OLA1: variants seen among roughly 807,000 people sequenced by gnomAD.
The protein encoded by OLA1 is obg-like ATPase 1.
A neutral mutation model predicts 48.4 loss-of-function variants in OLA1; 14 were observed. That is an observed-to-expected ratio of 0.29 (90% CI 0.19 to 0.45). OLA1 has a LOEUF of 0.45. Among genes scored for constraint, OLA1 ranks in the 20% least tolerant of loss-of-function variants. The pLI is 1.00. For synonymous variants in OLA1, 127 were observed against 150.4 expected (o/e 0.84, Z 1.14); for missense variants, 325 against 467.1 (o/e 0.70, Z 2.80).
At chr2:174,134,594 G>C (rs1686257894) in intron 5 of OLA1, among the ~76,000 whole-genome samples, 1 of 151,772 alleles carries the variant, frequency 6.6e-6, no homozygotes, top group Non-Finnish European at 1.5e-5. Flanking sequence ...TTATTGTTTT[G>C]TTTTTACTTT....
chr2:174,082,434 A>G (rs1684877067), intron 7 of OLA1, among the ~76,000 whole-genome samples: 1 of 152,188 alleles, frequency 6.6e-6, no homozygotes. Context: ...AAGAAGACAT[A>G]AAGTTCTGTT....
intron 7 of OLA1, among the ~76,000 whole-genome samples, chr2:174,083,017 G>A (rs1042615541): frequency 2.0e-5 from 3 of 151,982 alleles, no homozygotes; most frequent in Admixed American, 6.6e-5. Context: ...AGAAAAGCCT[G>A]CAAATAGTAA....
chr2:174,121,904 T>A (rs1685923753), intron 7 of OLA1, among the ~76,000 whole-genome samples: 1 of 152,216 alleles, frequency 6.6e-6, no homozygotes, highest in Non-Finnish European at 1.5e-5. Context: ...TAAACTTTGA[T>A]GTCTGTATTG....
chr2:174,129,215 T>C (rs1394513629), intron 5 of OLA1, among the ~76,000 whole-genome samples: 1 of 152,122 alleles, frequency 6.6e-6, no homozygotes, highest in Non-Finnish European at 1.5e-5. Flanking sequence ...TCCCAGCACT[T>C]TGGGAGGCCG....
chr2:174,196,174 G>A (rs192027132), intron 4 of OLA1, among the ~76,000 whole-genome samples: 1 of 152,110 alleles, frequency 6.6e-6, no homozygotes, highest in Non-Finnish European at 1.5e-5. Context: ...GTTATATTTT[G>A]TTCCTTTTTA....
chr2:174,123,622 G>A lies in OLA1; in HGVS notation c.603C>T (p.Arg201=), dbSNP rs770465330. 7 of 1,597,302 alleles carry A rather than the reference G, an allele frequency of 4.4e-6. No homozygotes were observed. The highest frequency in any genetic ancestry group is 1.7e-6 in the Non-Finnish European group (2 of 1,173,250). ...SWVIDQKKPV[R]FYHDWNDKEI... is the part of the protein sequence containing the mutation. ...CTTTGTCATTCCAATCATGATAGAA[G>A]CGAACAGGTTTCTTTTGATCTATAA... Residue 201 remains arginine (R), a synonymous_variant, in exon 6 of 11, where the codon CGC becomes CGT. Transcript: ENST00000284719.
chr2:174,105,508 ATTCTTCAATG>A (rs1363903983), intron 7 of OLA1, among the ~76,000 whole-genome samples: 1 of 151,990 alleles, frequency 6.6e-6, no homozygotes, highest in African/African-American at 2.4e-5. Flanking sequence ...ACCTCAAACA[ATTCTTCAATG>A]TTCTGTTTTC....
intron 2 of OLA1, among the ~76,000 whole-genome samples, chr2:174,230,773 T>C (rs1688711376): frequency 6.6e-6 from 1 of 152,222 alleles, no homozygotes; most frequent in Non-Finnish European, 1.5e-5. Flanking sequence ...AACTTCTCCT[T>C]CTGGATGAGA....
At chr2:174,099,096 C>T (rs1167491606) in intron 7 of OLA1, among the ~76,000 whole-genome samples, 2 of 151,856 alleles carry the variant, frequency 1.3e-5, no homozygotes, top group Non-Finnish European at 2.9e-5. Context: ...AAATACCATA[C>T]AAGAAATAGA....
At chr2:174,204,498 A>C (rs1252592501) in intron 4 of OLA1, among the ~76,000 whole-genome samples, 1 of 152,234 alleles carries the variant, frequency 6.6e-6, no homozygotes, top group Non-Finnish European at 1.5e-5. Context: ...TGATTCATTA[A>C]TTTATCTCCA....
At chr2:174,129,261 A>G (rs1410719310) in intron 5 of OLA1, among the ~76,000 whole-genome samples, 1 of 152,100 alleles carries the variant, frequency 6.6e-6, no homozygotes, top group Non-Finnish European at 1.5e-5. Flanking sequence ...GATCGATACC[A>G]TCCTGGCTAA....
At chr2:174,115,566 C>G (rs1002171469) in intron 7 of OLA1, among the ~76,000 whole-genome samples, 1 of 152,072 alleles carries the variant, frequency 6.6e-6, no homozygotes, top group Non-Finnish European at 1.5e-5. Context: ...AAAACATATA[C>G]GTTTTTTCAA....
intron 4 of OLA1, among the ~76,000 whole-genome samples, chr2:174,165,962 A>T (rs549562221): frequency 1.7e-4 from 26 of 152,046 alleles, no homozygotes; most frequent in Non-Finnish European, 3.7e-4. Flanking sequence ...TCTCCACCAA[A>T]AAATACAAAA....
chr2:174,178,346 T>A (rs1687463821), intron 4 of OLA1, among the ~76,000 whole-genome samples: 1 of 151,998 alleles, frequency 6.6e-6, no homozygotes, highest in Admixed American at 6.6e-5. Context: ...AGAACTAAAC[T>A]AATTTTACAA....
chr2:174,221,239 G>A (rs141404794), intron 4 of OLA1, among the ~76,000 whole-genome samples: 15 of 148,462 alleles, frequency 1.0e-4, no homozygotes, highest in African/African-American at 3.5e-4. Context: ...ATACAATATA[G>A]TATGTATGCT....
chr2:174,190,309 A>C (rs1277261385), intron 4 of OLA1, among the ~76,000 whole-genome samples: 1 of 152,124 alleles, frequency 6.6e-6, no homozygotes, highest in Non-Finnish European at 1.5e-5. Context: ...TTTGGATTTA[A>C]ATTTGTTTAG....
chr2:174,120,760 A>C (rs534759802), intron 7 of OLA1, among the ~76,000 whole-genome samples: 40 of 152,212 alleles, frequency 2.6e-4, no homozygotes, highest in Non-Finnish European at 5.3e-4. Context: ...CAGTAACTAA[A>C]GTGTTCAATA....
chr2:174,244,654 C>T (rs1170210617), intron 2 of OLA1, among the ~76,000 whole-genome samples: 2 of 150,964 alleles, frequency 1.3e-5, no homozygotes, highest in African/African-American at 2.4e-5. Flanking sequence ...GACGGAGTCT[C>T]GCTCTGTCAC....
chr2:174,149,515 T>C lies in OLA1; in HGVS notation c.374-7515A>G, dbSNP rs141573754. ...CAAAAAATATTTTTAGTTAGTTATA[T>C]AAACCGTTTCTAATATAAAATCTAT... On this transcript the variant is annotated intron_variant, in intron 4 of 10. Coordinates refer to ENST00000284719, the MANE Select transcript of OLA1 (RefSeq NM_013341.5). 4.1e-3 allele frequency among the ~76,000 whole-genome samples: 626 copies of C among 152,302 alleles called. 2 individuals carry two copies. The highest frequency in any genetic ancestry group is 6.5e-3 in the Non-Finnish European group (443 of 68,032).
Sources: allele counts gnomAD v4.1 joint callset (sites outside exome capture counted in the v4.1 genomes callset), GRCh38; gene constraint gnomAD v4.1.1; transcripts MANE v1.5; gene names NCBI Gene and HGNC (gene_info 2026-07-23, HGNC 2026-07-21).